Variants in ULK4 observed in about 807,000 individuals in gnomAD.
ULK4 encodes the protein inactive serine/threonine-protein kinase ULK4.
ULK4 carries 133 observed loss-of-function variants against 160.6 expected under a neutral mutation model. That is an observed-to-expected ratio of 0.83 (90% CI 0.72 to 0.96). ULK4 has a LOEUF of 0.96. ULK4 is among the 40% of genes least tolerant of loss of function. The pLI is 0.00. For missense variants in ULK4, 1,580 were observed against 1,499.5 expected, an observed-to-expected ratio of 1.05 and a Z score of -0.89; for synonymous variants, 534 against 539.8, an observed-to-expected ratio of 0.99 and a Z score of 0.15.
intron 35 of ULK4, among the ~76,000 whole-genome samples, chr3:41,369,815 A>G (rs2081326938): frequency 6.7e-6 from 1 of 149,656 alleles, no homozygotes; most frequent in Admixed American, 6.7e-5. Context: ...AAAAAATCTC[A>G]TTTTGGAATA....
At chr3:41,947,511 C>T (rs77577360) in intron 2 of ULK4, among the ~76,000 whole-genome samples, 8,617 of 152,210 alleles carry the variant, frequency 0.057, 445 homozygotes, top group East Asian at 0.16. Flanking sequence ...GCCTCCTCAA[C>T]TGGAGAGGGG....
At chr3:41,264,085 G>A (rs1222782762) in intron 35 of ULK4, among the ~76,000 whole-genome samples, 1 of 152,196 alleles carries the variant, frequency 6.6e-6, no homozygotes, top group Non-Finnish European at 1.5e-5. Context: ...TAAGCCAAGG[G>A]TAGAATGATG....
intron 14 of ULK4, among the ~76,000 whole-genome samples, 182 bp from the exon 15 acceptor site, chr3:41,897,185 TTATC>T (rs1171792057): frequency 6.6e-6 from 1 of 152,320 alleles, no homozygotes; most frequent in African/African-American, 2.4e-5. Context: ...CCTAATCTCT[TTATC>T]TATCCACGGA....
At chr3:41,856,851 G>T (rs889925527) in intron 17 of ULK4, among the ~76,000 whole-genome samples, 1 of 151,790 alleles carries the variant, frequency 6.6e-6, no homozygotes, top group African/African-American at 2.4e-5. Context: ...AGAAGTTGCA[G>T]TGAGCCCAGA....
intron 2 of ULK4, among the ~76,000 whole-genome samples, chr3:41,943,898 A>G (rs1700037284): frequency 6.6e-6 from 1 of 152,144 alleles, no homozygotes; most frequent in South Asian, 2.1e-4. Flanking sequence ...GCATACAAAC[A>G]TGCTGAAATT....
chr3:41,907,716 T>G (rs997188201), intron 12 of ULK4, 129 bp downstream of exon 12: 2 of 516,918 alleles, frequency 3.9e-6, no homozygotes, highest in Non-Finnish European at 6.3e-6. Context: ...AAGAAAAACC[T>G]ATAATGATCA....
chr3:41,630,449 A>G (rs1215503910), intron 30 of ULK4, among the ~76,000 whole-genome samples: 1 of 152,134 alleles, frequency 6.6e-6, no homozygotes, highest in Non-Finnish European at 1.5e-5. Context: ...TAAACCAGCG[A>G]GTGAGGATCT....
chr3:41,820,232 G>C (rs1489457211), intron 18 of ULK4, among the ~76,000 whole-genome samples: 4 of 152,114 alleles, frequency 2.6e-5, no homozygotes, highest in African/African-American at 9.7e-5. Context: ...ATTTACTTCA[G>C]CTACTATGAA....
intron 18 of ULK4, among the ~76,000 whole-genome samples, chr3:41,829,986 G>A (rs970798459): frequency 2.6e-5 from 4 of 151,828 alleles, no homozygotes; most frequent in Non-Finnish European, 4.4e-5. Flanking sequence ...ATGAGTTCAT[G>A]TCCTTTGTAG....
chr3:41,378,281 G>A (rs1221187160), intron 35 of ULK4, among the ~76,000 whole-genome samples: 1 of 150,410 alleles, frequency 6.6e-6, no homozygotes, highest in Admixed American at 6.6e-5. Context: ...GCTAGATGAC[G>A]AGTTAGTGGG....
chr3:41,750,986 A>AAGAG (rs201841473), intron 22 of ULK4, among the ~76,000 whole-genome samples: 1 of 127,744 alleles, frequency 7.8e-6, no homozygotes, highest in South Asian at 2.8e-4. Context: ...GAGAGAGAGA[A>AAGAG]AGAGAGAGAG....
chr3:41,423,117 A>C (rs974858762), intron 34 of ULK4, among the ~76,000 whole-genome samples: 1 of 152,210 alleles, frequency 6.6e-6, no homozygotes, highest in Non-Finnish European at 1.5e-5. Flanking sequence ...CTATTTTTAC[A>C]AATGAAAGCA....
At chr3:41,837,312 T>A (rs1264191428) in intron 17 of ULK4, among the ~76,000 whole-genome samples, 1 of 152,170 alleles carries the variant, frequency 6.6e-6, no homozygotes, top group Non-Finnish European at 1.5e-5. Flanking sequence ...ACCTGTGAAA[T>A]CATCACTGCA....
intron 31 of ULK4, among the ~76,000 whole-genome samples, chr3:41,579,595 G>A (rs1005715923): frequency 2.1e-5 from 3 of 143,792 alleles, no homozygotes; most frequent in African/African-American, 5.1e-5. Flanking sequence ...CCGGGTTCAC[G>A]CCATTCTCCT....
chr3:41,675,445 C>T (rs1329847069), intron 29 of ULK4, among the ~76,000 whole-genome samples: 1 of 151,784 alleles, frequency 6.6e-6, no homozygotes, highest in Admixed American at 6.6e-5. Context: ...CAAAAATTAG[C>T]TGGGTGTGGT....
chr3:41,407,444 T>C (rs13060091), intron 34 of ULK4, among the ~76,000 whole-genome samples: 32,456 of 152,072 alleles, frequency 0.21, 3,863 homozygotes, highest in African/African-American at 0.31. Context: ...TATAGGCCAA[T>C]AGCCCTTAAG....
intron 32 of ULK4, among the ~76,000 whole-genome samples, chr3:41,467,016 T>C: frequency 6.6e-6 from 1 of 152,288 alleles, no homozygotes; most frequent in South Asian, 2.1e-4. Flanking sequence ...CATACATACA[T>C]ATAAATAATT....
chr3:41,625,877 C>T (rs897136929), intron 30 of ULK4, among the ~76,000 whole-genome samples: 2 of 152,188 alleles, frequency 1.3e-5, no homozygotes, highest in African/African-American at 2.4e-5. Flanking sequence ...CCCTGATCTT[C>T]AAAGGATTCT....
intron 22 of ULK4, among the ~76,000 whole-genome samples, chr3:41,720,244 T>C (rs1281559376): frequency 1.3e-5 from 2 of 152,192 alleles, no homozygotes; most frequent in Admixed American, 6.5e-5. Flanking sequence ...AGTTCTTAAC[T>C]CTAATTAAGT....
Sources: allele counts gnomAD v4.1 joint callset (sites outside exome capture counted in the v4.1 genomes callset), GRCh38; gene constraint gnomAD v4.1.1; transcripts MANE v1.5; gene names NCBI Gene and HGNC (gene_info 2026-07-23, HGNC 2026-07-21).